DOCK3: variants seen among roughly 807,000 people sequenced by gnomAD.
DOCK3 encodes the protein dedicator of cytokinesis protein 3.
DOCK3 carries 60 observed loss-of-function variants against 265.6 expected under a neutral mutation model. That is an observed-to-expected ratio of 0.23 (90% CI 0.18 to 0.28). The LOEUF (loss-of-function observed/expected upper bound fraction) is 0.28. Ranked by LOEUF, DOCK3 falls within the 10% of genes least tolerant of loss-of-function variation. The pLI is 1.00. For synonymous variants in DOCK3, 881 were observed against 938.0 expected, an observed-to-expected ratio of 0.94 and a Z score of 1.11; for missense variants, 1,981 against 2,594.3, an observed-to-expected ratio of 0.76 and a Z score of 5.14.
At chr3:50,980,400 A>G (rs1458208487) in intron 5 of DOCK3, among the ~76,000 whole-genome samples, 1 of 151,918 alleles carries the variant, frequency 6.6e-6, no homozygotes, top group Non-Finnish European at 1.5e-5. Flanking sequence ...ATCATCAGGG[A>G]TATTGTCCTG....
chr3:51,036,278 C>T (rs1292909537), intron 5 of DOCK3, among the ~76,000 whole-genome samples: 1 of 152,162 alleles, frequency 6.6e-6, no homozygotes, highest in Non-Finnish European at 1.5e-5. Context: ...AACTCCAATA[C>T]TATATTCCTC....
At chr3:50,800,850 T>C (rs1341560898) in intron 2 of DOCK3, among the ~76,000 whole-genome samples, 3 of 152,200 alleles carry the variant, frequency 2.0e-5, no homozygotes, top group Non-Finnish European at 4.4e-5. Context: ...CCCTAGCTTT[T>C]GGGATCTTAC....
chr3:51,317,241 C>A (rs1299845856), intron 32 of DOCK3, among the ~76,000 whole-genome samples: 4 of 148,818 alleles, frequency 2.7e-5, no homozygotes, highest in African/African-American at 9.9e-5. Flanking sequence ...AGTTGTCTTT[C>A]TGCCTTGGTC....
chr3:51,037,853 T>A (rs2080329902), intron 5 of DOCK3, among the ~76,000 whole-genome samples: 1 of 152,160 alleles, frequency 6.6e-6, no homozygotes, highest in Non-Finnish European at 1.5e-5. Flanking sequence ...CTAAGACACC[T>A]TAGAAAGAGA....
At chr3:51,082,268 CTG>C (rs2082268827) in intron 7 of DOCK3, among the ~76,000 whole-genome samples, 1 of 152,068 alleles carries the variant, frequency 6.6e-6, no homozygotes, top group East Asian at 1.9e-4. Flanking sequence ...TCCCACCAGA[CTG>C]CGTTTTTCTA....
intron 2 of DOCK3, among the ~76,000 whole-genome samples, chr3:50,804,626 G>A (rs1193768308): frequency 6.6e-6 from 1 of 152,154 alleles, no homozygotes; most frequent in Non-Finnish European, 1.5e-5. Flanking sequence ...GCAATCCCAG[G>A]CACTCGGCAG....
At chr3:50,868,479 T>C (rs1298106536) in intron 3 of DOCK3, among the ~76,000 whole-genome samples, 5 of 152,060 alleles carry the variant, frequency 3.3e-5, no homozygotes, top group Non-Finnish European at 7.4e-5. Flanking sequence ...GCTCAAGCAT[T>C]TCTCATACCT....
At chr3:50,886,565 C>A (rs1454838803) in intron 3 of DOCK3, among the ~76,000 whole-genome samples, 2 of 128,674 alleles carry the variant, frequency 1.6e-5, no homozygotes, top group Non-Finnish European at 3.3e-5. Flanking sequence ...CCCCTCCCCC[C>A]ACCCCACCAC....
intron 5 of DOCK3, among the ~76,000 whole-genome samples, chr3:50,997,107 C>A (rs554117407): frequency 1.6e-4 from 25 of 152,286 alleles, no homozygotes; most frequent in African/African-American, 5.1e-4. Flanking sequence ...GTTTTCTGTG[C>A]TAATCTGTAA....
chr3:50,750,736 A>G (rs2039747249), intron 1 of DOCK3, among the ~76,000 whole-genome samples: 2 of 152,082 alleles, frequency 1.3e-5, no homozygotes, highest in Non-Finnish European at 2.9e-5. Context: ...GGCATTATTC[A>G]TGGCCAGTTT....
chr3:51,051,066 T>C (rs2080976300), intron 5 of DOCK3, among the ~76,000 whole-genome samples: 1 of 152,128 alleles, frequency 6.6e-6, no homozygotes, highest in African/African-American at 2.4e-5. Flanking sequence ...AGAAAAAAAA[T>C]TGTAAATAGT....
At chr3:51,068,358 G>A (rs906832893) in intron 6 of DOCK3, among the ~76,000 whole-genome samples, 1 of 151,766 alleles carries the variant, frequency 6.6e-6, no homozygotes, top group African/African-American at 2.4e-5. Flanking sequence ...GGCTAACACG[G>A]TGAAACCCTG....
intron 1 of DOCK3, 21 bp from the exon 2 acceptor site, chr3:50,778,654 T>C: frequency 6.4e-7 from 1 of 1,554,972 alleles, no homozygotes; most frequent in Non-Finnish European, 8.7e-7. Flanking sequence ...CTAATTGGTG[T>C]GTTTATCCTT....
At chr3:51,245,051 A>C (rs1474799498) in intron 21 of DOCK3, among the ~76,000 whole-genome samples, 4 of 152,194 alleles carry the variant, frequency 2.6e-5, no homozygotes, top group African/African-American at 9.6e-5. Context: ...AAAGCAAGCC[A>C]GGCATGGTGG....
chr3:51,173,596 G>A (rs1006835526), intron 12 of DOCK3, among the ~76,000 whole-genome samples: 2 of 152,134 alleles, frequency 1.3e-5, no homozygotes, highest in East Asian at 1.9e-4. Context: ...CAGCTTTGCT[G>A]GGAAAAGTAT....
chr3:51,064,662 T>C, intron 6 of DOCK3, 66 bp downstream of exon 6: 2 of 1,571,206 alleles, frequency 1.3e-6, no homozygotes, highest in Non-Finnish European at 1.7e-6. Flanking sequence ...TCAGGGAGTT[T>C]GCACCTATAC....
intron 4 of DOCK3, among the ~76,000 whole-genome samples, chr3:50,906,620 C>T (rs1203314443): frequency 6.6e-6 from 1 of 152,014 alleles, no homozygotes; most frequent in Non-Finnish European, 1.5e-5. Flanking sequence ...TCCCCCTTAT[C>T]ATTTTTTATT....
rs563012265 is a variant in DOCK3, at chr3:50,963,498, T to C, written c.315+29421T>C. ...ACACATCATGACCAAATATTGTTTATCTGAGAATATAAACTTGATTTAATA... is the reference window on the plus strand; with the variant it reads ...ACACATCATGACCAAATATTGTTTACCTGAGAATATAAACTTGATTTAATA... On this transcript the variant is annotated intron_variant, in intron 5 of 52. Transcript: ENST00000266037. Among the ~76,000 whole-genome samples the C allele has an allele frequency of 7.2e-5, 11 of 152,342 alleles. No individual in the cohort carries two copies. In the South Asian group the frequency reaches 2.3e-3, roughly 32 times the overall value.
At chr3:51,091,289 A>C (rs2082626738) in intron 9 of DOCK3, among the ~76,000 whole-genome samples, 1 of 152,170 alleles carries the variant, frequency 6.6e-6, no homozygotes, top group Admixed American at 6.5e-5. Flanking sequence ...GATGTTTGTA[A>C]ACTTTATTTG....
Sources: allele counts gnomAD v4.1 joint callset (sites outside exome capture counted in the v4.1 genomes callset), GRCh38; gene constraint gnomAD v4.1.1; transcripts MANE v1.5; gene names NCBI Gene and HGNC (gene_info 2026-07-23, HGNC 2026-07-21).